The following CPNE8 variants were observed in gnomAD, a reference collection of about 807,000 sequenced individuals.
The protein encoded by CPNE8 is copine-8.
A neutral mutation model predicts 81.5 loss-of-function variants in CPNE8; 45 were observed. The ratio of observed to expected loss-of-function variants is 0.55; its 90% CI spans 0.44 to 0.71. CPNE8 has a LOEUF of 0.71. Ranked by LOEUF, CPNE8 falls within the 30% of genes least tolerant of loss-of-function variation. The probability of loss-of-function intolerance (pLI) is 0.00; values close to 1 mark genes in which losing one functional copy is unlikely to be tolerated. For missense variants in CPNE8, 594 were observed against 672.1 expected, an observed-to-expected ratio of 0.88 and a Z score of 1.28; for synonymous variants, 252 against 226.3, an observed-to-expected ratio of 1.11 and a Z score of -1.02.
In CPNE8 at chr12:38,776,237, C is replaced by T; in HGVS notation, c.471+1G>A. The T allele has an allele frequency of 6.5e-7, 1 of 1,528,416 alleles. No homozygotes were observed. The highest frequency in any genetic ancestry group is 8.9e-7 in the Non-Finnish European group (1 of 1,122,772). The allele number at this position is 1,528,416 out of a possible 1,614,324, so 94.7% of individuals were successfully genotyped here. On this transcript the variant is annotated splice_donor_variant, in intron 7 of 19. Coordinates refer to ENST00000331366, the MANE Select transcript of CPNE8 (RefSeq NM_153634.3). LOFTEE classifies it high-confidence loss of function. ...TCTAAACCAAAGAAATATTTACTTA[C>T]CCTGCAACAGTTTAATTCCTCTGCT...
chr12:38,761,958 G>A (rs1006556104), intron 9 of CPNE8, among the ~76,000 whole-genome samples, 154 bp downstream of exon 9: 1 of 152,144 alleles, frequency 6.6e-6, no homozygotes, highest in Non-Finnish European at 1.5e-5. Context: ...AAAATTTAAA[G>A]CAAATATGCA....
intron 3 of CPNE8, among the ~76,000 whole-genome samples, chr12:38,867,880 TTAGA>T (rs1943938639): frequency 6.6e-6 from 1 of 152,152 alleles, no homozygotes; most frequent in South Asian, 2.1e-4. Flanking sequence ...AATTCACTCA[TTAGA>T]TAGAATTTAT....
At chr12:38,798,151 C>T (rs1484493384) in intron 6 of CPNE8, among the ~76,000 whole-genome samples, 2 of 152,058 alleles carry the variant, frequency 1.3e-5, no homozygotes, top group South Asian at 2.1e-4. Context: ...GAGAACTTCC[C>T]CAATCTAGCA....
chr12:38,666,012 G>A lies in CPNE8; in HGVS notation c.1506+4717C>T, dbSNP rs551680321. 4.6e-5 allele frequency among the ~76,000 whole-genome samples: 7 copies of A among 152,258 alleles called. No homozygotes were observed. In the South Asian group the frequency reaches 1.4e-3, roughly 32 times the overall value. On this transcript the variant is annotated intron_variant, in intron 19 of 19. Coordinates refer to ENST00000331366, the MANE Select transcript of CPNE8 (RefSeq NM_153634.3). ...TAATAACGCATTTATTGAGCAACTG[G>A]TAGTTGGGAGGTCTTCTGCTAGGCG... is the stretch of plus-strand genomic sequence containing the variant.
chr12:38,716,224 C>T (rs1940388272), intron 13 of CPNE8, among the ~76,000 whole-genome samples: 1 of 152,086 alleles, frequency 6.6e-6, no homozygotes, highest in Non-Finnish European at 1.5e-5. Context: ...CCATACTGCC[C>T]AAAGCATTCT....
intron 10 of CPNE8, among the ~76,000 whole-genome samples, chr12:38,736,879 C>T (rs746513665): frequency 6.6e-6 from 1 of 151,974 alleles, no homozygotes; most frequent in African/African-American, 2.4e-5. Context: ...ACCTTGGATA[C>T]TTATCTAGAA....
chr12:38,814,992 C>G (rs1031367543), intron 6 of CPNE8, among the ~76,000 whole-genome samples: 1 of 152,118 alleles, frequency 6.6e-6, no homozygotes, highest in Non-Finnish European at 1.5e-5. Flanking sequence ...ATACTTTCTG[C>G]TTTGGTCACA....
intron 4 of CPNE8, among the ~76,000 whole-genome samples, chr12:38,847,285 T>C (rs1943574722): frequency 1.3e-5 from 2 of 152,166 alleles, no homozygotes; most frequent in African/African-American, 4.8e-5. Flanking sequence ...AGGCTGGTTT[T>C]AACATAAAGT....
intron 11 of CPNE8, among the ~76,000 whole-genome samples, chr12:38,725,525 A>T (rs997609710): frequency 1.3e-5 from 2 of 152,256 alleles, no homozygotes; most frequent in African/African-American, 4.8e-5. Context: ...CTAATGGGAT[A>T]AACGTAATAC....
intron 6 of CPNE8, among the ~76,000 whole-genome samples, chr12:38,823,413 A>AATG (rs1565635820): frequency 6.6e-6 from 1 of 152,142 alleles, no homozygotes. Flanking sequence ...GTTAGGACAC[A>AATG]ATCATCCATC....
intron 10 of CPNE8, among the ~76,000 whole-genome samples, chr12:38,752,733 A>T (rs1257081171): frequency 6.6e-6 from 1 of 152,236 alleles, no homozygotes; most frequent in East Asian, 1.9e-4. Flanking sequence ...TAGCCATAAG[A>T]TTCTAATATC....
chr12:38,800,081 G>T (rs1388097705), intron 6 of CPNE8, among the ~76,000 whole-genome samples: 1 of 130,742 alleles, frequency 7.6e-6, no homozygotes, highest in East Asian at 2.2e-4. Flanking sequence ...GGCTGGGGGA[G>T]GGGCGCCCGC....
At chr12:38,899,223 G>T (rs1454783779) in intron 1 of CPNE8, among the ~76,000 whole-genome samples, 1 of 152,146 alleles carries the variant, frequency 6.6e-6, no homozygotes, top group Admixed American at 6.5e-5. Context: ...CTAATGTGAT[G>T]ATATTAGGAG....
At chr12:38,799,816 G>T (rs7957115) in intron 6 of CPNE8, among the ~76,000 whole-genome samples, 3 of 140,138 alleles carry the variant, frequency 2.1e-5, no homozygotes, top group Non-Finnish European at 4.8e-5. Flanking sequence ...TGCGCGAGCC[G>T]AAGCAGGGCG....
chr12:38,895,448 G>A (rs1944376377), intron 1 of CPNE8, among the ~76,000 whole-genome samples: 1 of 151,976 alleles, frequency 6.6e-6, no homozygotes, highest in African/African-American at 2.4e-5. Flanking sequence ...CCTCTCTCCA[G>A]TATTTAGTTT....
intron 12 of CPNE8, among the ~76,000 whole-genome samples, chr12:38,724,132 G>A (rs1940638504): frequency 6.6e-6 from 1 of 152,210 alleles, no homozygotes; most frequent in East Asian, 1.9e-4. Flanking sequence ...AGATGAAAGG[G>A]AGTTGGAAAA....
intron 6 of CPNE8, among the ~76,000 whole-genome samples, chr12:38,797,543 A>G (rs1381583347): frequency 2.0e-5 from 3 of 152,158 alleles, no homozygotes; most frequent in East Asian, 3.9e-4. Context: ...CCAAAACCCC[A>G]TCTGTACATC....
intron 14 of CPNE8, among the ~76,000 whole-genome samples, chr12:38,701,442 T>G (rs1332956497): frequency 6.6e-6 from 1 of 152,174 alleles, no homozygotes; most frequent in African/African-American, 2.4e-5. Context: ...CACAATCTAG[T>G]ATTTTAAAGC....
intron 8 of CPNE8, among the ~76,000 whole-genome samples, chr12:38,763,964 G>T (rs1279254883): frequency 1.3e-5 from 2 of 152,008 alleles, no homozygotes; most frequent in Non-Finnish European, 2.9e-5. Context: ...AGATAAGATA[G>T]AAACATAATA....
Sources: allele counts gnomAD v4.1 joint callset (sites outside exome capture counted in the v4.1 genomes callset), GRCh38; gene constraint gnomAD v4.1.1; transcripts MANE v1.5; gene names NCBI Gene and HGNC (gene_info 2026-07-23, HGNC 2026-07-21).